The following EYS variants were observed in gnomAD, a reference collection of about 807,000 sequenced individuals.
The protein encoded by EYS is EGF-like photoreceptor maintenance factor.
A neutral mutation model predicts 282.1 loss-of-function variants in EYS; 250 were observed. That is an observed-to-expected ratio of 0.89 (90% CI 0.80 to 0.98). The LOEUF is 0.98. Ranked by LOEUF, EYS falls within the 50% of genes least tolerant of loss-of-function variation. The pLI, the probability that EYS is intolerant of heterozygous loss-of-function variation, is 0.00. For missense variants in EYS, 4,016 were observed against 3,709.0 expected (o/e 1.08, Z -2.15); for synonymous variants, 1,355 against 1,282.9 (o/e 1.06, Z -1.20).
At chr6:64,789,079 T>G (rs1303545191) in intron 22 of EYS, among the ~76,000 whole-genome samples, 1 of 152,188 alleles carries the variant, frequency 6.6e-6, no homozygotes, top group African/African-American at 2.4e-5. Context: ...CCATTTCCTA[T>G]GCTACTATAC....
intron 29 of EYS, among the ~76,000 whole-genome samples, chr6:64,339,419 A>C (rs910071605): frequency 1.3e-5 from 2 of 152,136 alleles, no homozygotes; most frequent in African/African-American, 4.8e-5. Flanking sequence ...AATTAAAACC[A>C]CACTGTGTTA....
At chr6:65,550,297 CT>C (rs1233846388) in intron 2 of EYS, among the ~76,000 whole-genome samples, 16 of 12,814 alleles carry the variant, frequency 1.2e-3, no homozygotes, top group East Asian at 3.2e-3. Flanking sequence ...TGCAAGATTG[CT>C]TTTTTTTTTT....
chr6:64,806,448 A>T lies in EYS; in HGVS notation c.3443+6930T>A, dbSNP rs529848352. ...ACTTATCTCAAATATTTTTTTTAAC[A>T]ATATTATAGGATATCGTGGTCCCTA... On this transcript the variant is annotated intron_variant, in intron 22 of 42. Transcript: ENST00000503581. 2.5e-4 allele frequency among the ~76,000 whole-genome samples: 38 copies of T among 152,164 alleles called. 1 individual carries two copies. In the East Asian group the frequency reaches 6.6e-3, roughly 26 times the overall value.
chr6:65,149,072 G>A (rs6917823), intron 12 of EYS, among the ~76,000 whole-genome samples: 18,326 of 152,052 alleles, frequency 0.12, 1,450 homozygotes, highest in African/African-American at 0.22. Flanking sequence ...GGTCTCTTAC[G>A]TGCCCTGGAG....
chr6:64,274,426 G>T (rs1275429725), intron 30 of EYS, among the ~76,000 whole-genome samples: 2 of 146,062 alleles, frequency 1.4e-5, no homozygotes, highest in East Asian at 4.0e-4. Context: ...TCTGCTGTCT[G>T]CCTCTCAGCC....
intron 19 of EYS, among the ~76,000 whole-genome samples, chr6:64,863,156 T>A (rs571652834): frequency 3.3e-5 from 5 of 152,308 alleles, no homozygotes; most frequent in Admixed American, 6.5e-5. Flanking sequence ...CTCTGTCTGC[T>A]TTAATTTGAA....
chr6:64,997,655 C>T lies in EYS; in HGVS notation c.2186G>A (p.Arg729Lys). 4.5e-6 allele frequency: 7 copies of T among 1,551,200 alleles called. No individual in the cohort carries two copies. Among genetic ancestry groups the T allele is most frequent in the Non-Finnish European group, 6.1e-6 (7 of 1,146,598 alleles). ...CLCNPGYVGI[R>K]CEQDIDDCIL... ...GCAGTCATCAATGTCCTGTTCACAT[C>T]TTATCCCAACATAGCCTGGATTGCA... is the stretch of plus-strand genomic sequence containing the variant. Residue 729 changes from arginine (R) to lysine (K), a missense_variant, in exon 14 of 43, where the codon AGA (arginine) becomes AAA (lysine). Physicochemically the swap from Arg to Lys is conservative, Grantham distance 26. Coordinates refer to ENST00000503581, the MANE Select transcript of EYS (RefSeq NM_001142800.2).
chr6:64,019,700 C>G (rs1177930337), intron 33 of EYS, among the ~76,000 whole-genome samples: 1 of 151,910 alleles, frequency 6.6e-6, no homozygotes, highest in East Asian at 1.9e-4. Context: ...TGAGCCACCA[C>G]GCTCAGCCTC....
intron 31 of EYS, among the ~76,000 whole-genome samples, chr6:64,087,780 A>G (rs1419049572): frequency 2.0e-5 from 3 of 152,124 alleles, no homozygotes; most frequent in Non-Finnish European, 4.4e-5. Context: ...TGATAAGTCC[A>G]CCAGAAAATG....
At position 64,268,301 on chromosome 6, in the gene EYS, C is replaced by CTA. The variant is rs756059158; in HGVS notation, c.6192-37479_6192-37478dup. ...TCTTCTGATTTAGGAAAACAAGAGG[C>CTA]TATATATATAAATAAGTGTATATAT... On this transcript the variant is annotated intron_variant, in intron 30 of 42. Coordinates refer to ENST00000503581, the MANE Select transcript of EYS (RefSeq NM_001142800.2). Among the ~76,000 whole-genome samples, 10 of 151,738 alleles carry CTA rather than the reference C, an allele frequency of 6.6e-5. No homozygotes were observed. The East Asian group carries it at 1.9e-3, about 29-fold the overall frequency.
intron 2 of EYS, among the ~76,000 whole-genome samples, chr6:65,570,497 C>T (rs1470380632): frequency 6.6e-6 from 1 of 152,272 alleles, no homozygotes; most frequent in Non-Finnish European, 1.5e-5. Context: ...CTATCTACTT[C>T]ACCCACTGTA....
intron 13 of EYS, among the ~76,000 whole-genome samples, chr6:65,002,184 T>G (rs1045593071): frequency 6.8e-6 from 1 of 147,504 alleles, no homozygotes; most frequent in Non-Finnish European, 1.5e-5. Context: ...ATGCGATATT[T>G]TAAAATGACA....
At chr6:63,760,664 CTATCTAT>C (rs1769611705) in intron 41 of EYS, among the ~76,000 whole-genome samples, 1 of 142,774 alleles carries the variant, frequency 7.0e-6, no homozygotes, top group Non-Finnish European at 1.5e-5. Flanking sequence ...ATCTATCTAT[CTATCTAT>C]CTATCTATCT....
At chr6:64,948,712 G>A (rs576794016) in intron 14 of EYS, among the ~76,000 whole-genome samples, 32 of 150,888 alleles carry the variant, frequency 2.1e-4, no homozygotes, top group Non-Finnish European at 3.0e-5. Flanking sequence ...GAAAAGGAAA[G>A]TATTATTAAA....
intron 2 of EYS, among the ~76,000 whole-genome samples, chr6:65,607,717 A>C (rs1392780321): frequency 6.6e-6 from 1 of 152,014 alleles, no homozygotes; most frequent in East Asian, 1.9e-4. Context: ...CTCAGCGAAC[A>C]GAATGGAGTG....
At chr6:64,364,353 CT>C (rs907446564) in intron 29 of EYS, among the ~76,000 whole-genome samples, 115 of 151,970 alleles carry the variant, frequency 7.6e-4, no homozygotes, top group African/African-American at 2.7e-3. Context: ...TCTAAGCTGA[CT>C]TTCAACTAAA....
chr6:65,538,822 G>C (rs1482905120), intron 2 of EYS, among the ~76,000 whole-genome samples: 1 of 152,014 alleles, frequency 6.6e-6, no homozygotes, highest in Admixed American at 6.6e-5. Flanking sequence ...ATCCTGCTAA[G>C]TCTCTGACCT....
chr6:65,426,097 CA>C, intron 5 of EYS, among the ~76,000 whole-genome samples: 1 of 152,208 alleles, frequency 6.6e-6, no homozygotes, highest in Non-Finnish European at 1.5e-5. Context: ...GCCTCATCCT[CA>C]AAAGTATCTA....
intron 15 of EYS, among the ~76,000 whole-genome samples, chr6:64,918,656 T>A (rs1434329717): frequency 1.3e-5 from 2 of 152,032 alleles, no homozygotes; most frequent in Non-Finnish European, 2.9e-5. Context: ...ACAGAGAAGA[T>A]TTGGATAATG....
Sources: gnomAD v4.1 joint callset for allele counts (sites outside exome capture counted in the v4.1 genomes callset) on GRCh38, gnomAD v4.1.1 for gene constraint, MANE v1.5 for transcripts, NCBI Gene and HGNC (gene_info 2026-07-23, HGNC 2026-07-21) for gene names.